The following GTF2E2 variants were observed in gnomAD, a reference collection of about 807,000 sequenced individuals.
GTF2E2 encodes transcription initiation factor IIE subunit beta.
Under a neutral mutation model 40.5 loss-of-function variants are expected in GTF2E2, and 21 were observed. The ratio of observed to expected loss-of-function variants is 0.52; its 90% CI spans 0.37 to 0.75. GTF2E2 has a LOEUF of 0.75. Among genes scored for constraint, GTF2E2 ranks in the 30% least tolerant of loss-of-function variants. GTF2E2 has a pLI of 0.00. For synonymous variants in GTF2E2, 117 were observed against 121.6 expected, an observed-to-expected ratio of 0.96 and a Z score of 0.25; for missense variants, 298 against 338.4, an observed-to-expected ratio of 0.88 and a Z score of 0.94.
At chr8:30,645,554 G>A (rs377468023) in intron 2 of GTF2E2, 1 of 1,535,644 alleles carries the variant, frequency 6.5e-7, no homozygotes, top group East Asian at 2.4e-5. Context: ...CCTCTTAGAA[G>A]TATGATGGAC....
intron 2 of GTF2E2, among the ~76,000 whole-genome samples, chr8:30,642,122 G>A (rs1801858126): frequency 6.6e-6 from 1 of 152,180 alleles, no homozygotes; most frequent in South Asian, 2.1e-4. Flanking sequence ...TTAAGTGAAA[G>A]TAAGTTTATT....
intron 6 of GTF2E2, among the ~76,000 whole-genome samples, chr8:30,581,994 C>T (rs1828527456): frequency 6.6e-6 from 1 of 152,168 alleles, no homozygotes. Flanking sequence ...CTAGACAAGA[C>T]AGACTGTTTT....
chr8:30,631,072 G>A (rs559372797), intron 3 of GTF2E2, among the ~76,000 whole-genome samples: 11 of 152,104 alleles, frequency 7.2e-5, no homozygotes, highest in African/African-American at 2.7e-4. Flanking sequence ...GTGTCGCCCA[G>A]GCTGGAGTAC....
At chr8:30,600,190 C>T (rs954260896) in intron 6 of GTF2E2, among the ~76,000 whole-genome samples, 1 of 152,166 alleles carries the variant, frequency 6.6e-6, no homozygotes, top group South Asian at 2.1e-4. Flanking sequence ...AACGTAACTG[C>T]AAAAAATCAG....
intron 2 of GTF2E2, among the ~76,000 whole-genome samples, chr8:30,652,111 A>G (rs1297747761): frequency 6.6e-6 from 1 of 152,252 alleles, no homozygotes; most frequent in Non-Finnish European, 1.5e-5. Flanking sequence ...CTAAAACTAC[A>G]AAACTCTTAG....
chr8:30,620,329 T>C (rs1563492126), intron 3 of GTF2E2, among the ~76,000 whole-genome samples: 1 of 151,976 alleles, frequency 6.6e-6, no homozygotes. Context: ...TAAGGGTCTT[T>C]ATTGCTATGA....
chr8:30,607,753 C>T (rs1253160350), intron 5 of GTF2E2, among the ~76,000 whole-genome samples: 1 of 152,172 alleles, frequency 6.6e-6, no homozygotes, highest in Non-Finnish European at 1.5e-5. Context: ...GGCTCTTTCA[C>T]TAATCTAAGA....
intron 6 of GTF2E2, among the ~76,000 whole-genome samples, chr8:30,605,014 C>G (rs1035792479): frequency 2.6e-5 from 4 of 152,212 alleles, no homozygotes; most frequent in Non-Finnish European, 5.9e-5. Context: ...ATCTGGGCTT[C>G]CCACTGCTAA....
chr8:30,626,765 A>G (rs1801289500), intron 3 of GTF2E2, among the ~76,000 whole-genome samples: 1 of 152,228 alleles, frequency 6.6e-6, no homozygotes, highest in African/African-American at 2.4e-5. Context: ...CTACCACTAC[A>G]GTGAAAACTA....
At position 30,591,503 on chromosome 8, in the gene GTF2E2, AAAAAT is replaced by A. The variant is rs550893965; in HGVS notation, c.644-11112_644-11108del. Among the ~76,000 whole-genome samples, 7 of 150,990 alleles carry A rather than the reference AAAAAT, an allele frequency of 4.6e-5. No individual in the cohort carries two copies. The East Asian group carries it at 1.2e-3, about 25-fold the overall frequency. On this transcript the variant is annotated intron_variant, in intron 6 of 7. Transcript: ENST00000355904. ...TGTTTCTACAGTAAAAAAATAAAAT[AAAAAT>A]AAAATAAAATATAAAATGGCCAATC...
intron 2 of GTF2E2, among the ~76,000 whole-genome samples, chr8:30,641,787 G>C (rs1801843923): frequency 6.6e-6 from 1 of 152,162 alleles, no homozygotes; most frequent in African/African-American, 2.4e-5. Flanking sequence ...TGAGGCAGGA[G>C]AATCACTTGA....
chr8:30,624,572 G>C (rs1014737157), intron 3 of GTF2E2, among the ~76,000 whole-genome samples: 1 of 152,020 alleles, frequency 6.6e-6, no homozygotes, highest in African/African-American at 2.4e-5. Context: ...GCTTGATGGG[G>C]ATGGCATTGA....
chr8:30,607,978 T>C (rs568801162), intron 5 of GTF2E2, among the ~76,000 whole-genome samples: 1 of 152,342 alleles, frequency 6.6e-6, no homozygotes, highest in South Asian at 2.1e-4. Flanking sequence ...AGGATTACAT[T>C]ACTCCTTTTC....
At chr8:30,582,093 C>T (rs1828530826) in intron 6 of GTF2E2, among the ~76,000 whole-genome samples, 1 of 152,146 alleles carries the variant, frequency 6.6e-6, no homozygotes, top group Admixed American at 6.5e-5. Flanking sequence ...CTCACTGTAA[C>T]CTCCACCTCC....
At chr8:30,618,372 G>A (rs957826622) in intron 3 of GTF2E2, among the ~76,000 whole-genome samples, 2 of 152,074 alleles carry the variant, frequency 1.3e-5, no homozygotes, top group Non-Finnish European at 2.9e-5. Flanking sequence ...ATCACTAGTA[G>A]TAAAGTGGCT....
intron 5 of GTF2E2, among the ~76,000 whole-genome samples, chr8:30,610,537 AC>A (rs1369544831): frequency 2.6e-5 from 4 of 152,060 alleles, no homozygotes; most frequent in African/African-American, 9.7e-5. Context: ...CCAGAAATAA[AC>A]CTTCACATAT....
intron 2 of GTF2E2, among the ~76,000 whole-genome samples, chr8:30,643,055 G>C (rs547764707): frequency 3.7e-4 from 57 of 152,286 alleles, no homozygotes; most frequent in African/African-American, 1.2e-3. Context: ...AGTCCATCCA[G>C]AGAGGTGAAG....
At chr8:30,598,923 C>G (rs942096444) in intron 6 of GTF2E2, among the ~76,000 whole-genome samples, 1 of 152,152 alleles carries the variant, frequency 6.6e-6, no homozygotes, top group African/African-American at 2.4e-5. Flanking sequence ...CTTTGGGAAG[C>G]CAAGGCAGGA....
chr8:30,611,708 CAAG>C (rs1174369376), intron 5 of GTF2E2, among the ~76,000 whole-genome samples: 1 of 152,020 alleles, frequency 6.6e-6, no homozygotes, highest in Non-Finnish European at 1.5e-5. Context: ...ATTCCATTAC[CAAG>C]AAGAAGAGAC....
Sources: gnomAD v4.1 joint callset for allele counts (sites outside exome capture counted in the v4.1 genomes callset) on GRCh38, gnomAD v4.1.1 for gene constraint, MANE v1.5 for transcripts, NCBI Gene and HGNC (gene_info 2026-07-23, HGNC 2026-07-21) for gene names.